Variants in NPRL3 observed in about 807,000 individuals in gnomAD.
The protein encoded by NPRL3 is NPR3 like, GATOR1 complex subunit.
A neutral mutation model predicts 57.2 loss-of-function variants in NPRL3; 23 were observed. That is an observed-to-expected ratio of 0.40 (90% CI 0.29 to 0.57). The LOEUF is 0.57. Among genes scored for constraint, NPRL3 ranks in the 20% least tolerant of loss-of-function variants. NPRL3 has a pLI of 0.42. For synonymous variants in NPRL3, 333 were observed against 321.1 expected, an observed-to-expected ratio of 1.04 and a Z score of -0.39; for missense variants, 691 against 767.1, an observed-to-expected ratio of 0.90 and a Z score of 1.17.
intron 7 of NPRL3, among the ~76,000 whole-genome samples, chr16:110,259 A>G (rs1392458580): frequency 6.6e-6 from 1 of 152,162 alleles, no homozygotes; most frequent in African/African-American, 2.4e-5. Context: ...ACAAAAGCAA[A>G]ACTCCATCTC....
intron 7 of NPRL3, among the ~76,000 whole-genome samples, chr16:108,774 G>T (rs1000126812): frequency 6.6e-6 from 1 of 151,856 alleles, no homozygotes; most frequent in Non-Finnish European, 1.5e-5. Flanking sequence ...AGATTTAAGT[G>T]ATTCTTCTGC....
At chr16:121,407 G>A (rs1212859737) in intron 3 of NPRL3, among the ~76,000 whole-genome samples, 6 of 152,138 alleles carry the variant, frequency 3.9e-5, no homozygotes, top group East Asian at 3.9e-4. Context: ...TGGATCACCC[G>A]AGGTCAGGAG....
Position 89,802 on chromosome 16 carries a change from G to A in NPRL3, c.1262C>T (p.Pro421Leu). The change falls in exon 12 of 14, where the codon CCC becomes CTC. Residue 421 changes from proline (P) to leucine (L), a missense_variant. Coordinates refer to ENST00000611875, the MANE Select transcript of NPRL3 (RefSeq NM_001077350.3). Reference protein sequence around the residue: ...CLMASPSEEEPRPREDDVPFT... With the variant: ...CLMASPSEEELRPREDDVPFT... ...GGGGACGTCGTCCTCTCGCGGACGG[G>A]GCTCCTCCTCGCTGGGTGAGGCCAT... 1 of 1,598,486 alleles carries A rather than the reference G, an allele frequency of 6.3e-7. No homozygotes were observed. The highest frequency in any genetic ancestry group is 8.5e-7 in the Non-Finnish European group (1 of 1,173,950).
At chr16:92,080 C>A (rs1333859198) in intron 11 of NPRL3, among the ~76,000 whole-genome samples, 1 of 152,206 alleles carries the variant, frequency 6.6e-6, no homozygotes, top group East Asian at 1.9e-4. Flanking sequence ...CCTCTCTAGG[C>A]TCTCTTGAAT....
chr16:112,791 CAT>C lies in NPRL3; in HGVS notation c.394-18_394-17del. On this transcript the variant is annotated splice_polypyrimidine_tract_variant and intron_variant, in intron 5 of 13. Coordinates refer to ENST00000611875, the MANE Select transcript of NPRL3 (RefSeq NM_001077350.3). ...CTGCGTTGGCCTGCAGGAGAGAGAC[CAT>C]ACACAGACTCAAACGTGTGCACAGG... 6.4e-7 allele frequency: 1 copy of C among 1,569,032 alleles called. No homozygotes were observed. The highest frequency in any genetic ancestry group is 8.7e-7 in the Non-Finnish European group (1 of 1,148,682).
At chr16:122,112 C>T (rs114824960) in intron 3 of NPRL3, among the ~76,000 whole-genome samples, 66 of 143,298 alleles carry the variant, frequency 4.6e-4, no homozygotes, top group African/African-American at 1.6e-3. Context: ...TCTTTTCCCC[C>T]TTGAGATGGA....
chr16:122,707 C>T (rs1420799681), intron 3 of NPRL3, among the ~76,000 whole-genome samples: 1 of 152,206 alleles, frequency 6.6e-6, no homozygotes, highest in Non-Finnish European at 1.5e-5. Context: ...AGGCCAGGAC[C>T]TTCTATCACT....
At chr16:136,115 G>A (rs1192666507) in intron 2 of NPRL3, among the ~76,000 whole-genome samples, 1 of 152,110 alleles carries the variant, frequency 6.6e-6, no homozygotes, top group East Asian at 1.9e-4. Flanking sequence ...GCTACTTTGG[G>A]GATTTAATAT....
chr16:132,937 A>G (rs998865437), intron 2 of NPRL3, among the ~76,000 whole-genome samples: 3 of 151,962 alleles, frequency 2.0e-5, no homozygotes, highest in Non-Finnish European at 4.4e-5. Context: ...CCAAAGTGCT[A>G]GGATTACAGG....
chr16:116,291 T>C (rs550385293), intron 5 of NPRL3, among the ~76,000 whole-genome samples: 1 of 152,348 alleles, frequency 6.6e-6, no homozygotes, highest in African/African-American at 2.4e-5. Context: ...ACATTCGTCA[T>C]GGATTTTGTT....
At chr16:134,228 TACAC>T (rs143824948) in intron 2 of NPRL3, among the ~76,000 whole-genome samples, 1 of 150,920 alleles carries the variant, frequency 6.6e-6, no homozygotes. Context: ...TATGCACATG[TACAC>T]ACACACACAC....
At chr16:134,344 A>G (rs1900953053) in intron 2 of NPRL3, among the ~76,000 whole-genome samples, 1 of 152,212 alleles carries the variant, frequency 6.6e-6, no homozygotes, top group South Asian at 2.1e-4. Context: ...TACACAAACA[A>G]TAATACTTTC....
chr16:102,052 G>A (rs773784372), intron 7 of NPRL3, among the ~76,000 whole-genome samples: 13 of 152,100 alleles, frequency 8.5e-5, no homozygotes, highest in Non-Finnish European at 1.9e-4. Flanking sequence ...TGAAGCCAAG[G>A]AACACACCGC....
chr16:100,267 A>C, intron 8 of NPRL3, 105 bp downstream of exon 8: 1 of 1,245,392 alleles, frequency 8.0e-7, no homozygotes, highest in Non-Finnish European at 1.0e-6. Context: ...CGCAGTGGGA[A>C]GAAGAAAAAG....
chr16:95,315 GTT>G (rs1491332069), intron 9 of NPRL3, among the ~76,000 whole-genome samples: 66 of 75,452 alleles, frequency 8.7e-4, no homozygotes, highest in Middle Eastern at 0.013. Context: ...AAAATAAAAT[GTT>G]TGTGTGTGTA....
chr16:110,448 C>T (rs1899750866), intron 7 of NPRL3, 77 bp downstream of exon 7: 1 of 1,159,390 alleles, frequency 8.6e-7, no homozygotes, highest in Admixed American at 2.0e-5. Flanking sequence ...GGGAGCCCTA[C>T]CTGTTGACGC....
At chr16:126,656 G>A (rs1251587186) in intron 3 of NPRL3, among the ~76,000 whole-genome samples, 2 of 151,896 alleles carry the variant, frequency 1.3e-5, no homozygotes, top group Non-Finnish European at 2.9e-5. Flanking sequence ...TCTCAGACCT[G>A]GCTTGATGGC....
At chr16:88,387 C>CAAAAAAAAAAAAA (rs56670370) in intron 13 of NPRL3, among the ~76,000 whole-genome samples, 3 of 130,964 alleles carry the variant, frequency 2.3e-5, no homozygotes, top group African/African-American at 6.4e-5. Flanking sequence ...GACTCCGTCT[C>CAAAAAAAAAAAAA]AAAAAAAAAA....
At chr16:115,201 C>G (rs1465853810) in intron 5 of NPRL3, among the ~76,000 whole-genome samples, 1 of 151,894 alleles carries the variant, frequency 6.6e-6, no homozygotes, top group Admixed American at 6.6e-5. Flanking sequence ...TGTCAAACTC[C>G]TGGGCTCAAG....
Sources: gnomAD v4.1 joint callset for allele counts (sites outside exome capture counted in the v4.1 genomes callset) on GRCh38, gnomAD v4.1.1 for gene constraint, MANE v1.5 for transcripts, NCBI Gene and HGNC (gene_info 2026-07-23, HGNC 2026-07-21) for gene names.